The following CSMD3 variants were observed in gnomAD, a reference collection of about 807,000 sequenced individuals.
CSMD3 encodes the protein CUB and Sushi multiple domains 3, also known as CUB and sushi domain-containing protein 3.
A neutral mutation model predicts 435.2 loss-of-function variants in CSMD3; 177 were observed. That is an observed-to-expected ratio of 0.41 (90% CI 0.36 to 0.46). CSMD3 has a LOEUF of 0.46. Among genes scored for constraint, CSMD3 ranks in the 20% least tolerant of loss-of-function variants. The pLI is 0.34. For missense variants in CSMD3, 4,265 were observed against 4,504.6 expected, an observed-to-expected ratio of 0.95 and a Z score of 1.52; for synonymous variants, 1,656 against 1,520.5, an observed-to-expected ratio of 1.09 and a Z score of -2.07.
intron 41 of CSMD3, among the ~76,000 whole-genome samples, chr8:112,345,549 A>C (rs548774980): frequency 6.6e-6 from 1 of 152,272 alleles, no homozygotes; most frequent in Non-Finnish European, 1.5e-5. Context: ...ACTCAGGAGT[A>C]GAAAGTAGAA....
intron 22 of CSMD3, among the ~76,000 whole-genome samples, chr8:112,593,899 C>T (rs4492408): frequency 0.6 from 91,042 of 151,806 alleles, 28,335 homozygotes; most frequent in African/African-American, 0.77. Flanking sequence ...AAGGAAGGGT[C>T]TTTTTGTTTT....
chr8:112,309,718 A>G (rs1465949925), intron 50 of CSMD3, among the ~76,000 whole-genome samples: 3 of 152,140 alleles, frequency 2.0e-5, no homozygotes, highest in African/African-American at 7.2e-5. Context: ...CAATACAACA[A>G]GAAACAATAA....
At chr8:113,136,415 C>T (rs979801902) in intron 4 of CSMD3, among the ~76,000 whole-genome samples, 10 of 151,380 alleles carry the variant, frequency 6.6e-5, no homozygotes, top group African/African-American at 2.4e-4. Flanking sequence ...CTATACAGAA[C>T]TGTGAGTAAT....
At chr8:113,290,962 A>T (rs2132529351) in intron 2 of CSMD3, among the ~76,000 whole-genome samples, 1 of 151,514 alleles carries the variant, frequency 6.6e-6, no homozygotes, top group Non-Finnish European at 1.5e-5. Context: ...TTTATATAAT[A>T]AATATAAAAT....
intron 27 of CSMD3, among the ~76,000 whole-genome samples, chr8:112,523,296 T>C (rs1415188566): frequency 6.6e-6 from 1 of 151,994 alleles, no homozygotes; most frequent in East Asian, 1.9e-4. Flanking sequence ...TAGGAATATT[T>C]CATCTGCTTT....
At chr8:112,876,603 G>T (rs1039539447) in intron 10 of CSMD3, among the ~76,000 whole-genome samples, 1 of 152,124 alleles carries the variant, frequency 6.6e-6, no homozygotes, top group Non-Finnish European at 1.5e-5. Flanking sequence ...CTCAATAGAT[G>T]CATAAAAGGC....
chr8:113,405,995 G>C (rs2094531128), intron 1 of CSMD3, among the ~76,000 whole-genome samples: 1 of 151,776 alleles, frequency 6.6e-6, no homozygotes, highest in South Asian at 2.1e-4. Context: ...TTGCAGACAT[G>C]ATCTTGCAAT....
intron 6 of CSMD3, among the ~76,000 whole-genome samples, chr8:113,011,793 A>G (rs184956505): frequency 6.6e-6 from 1 of 151,844 alleles, no homozygotes; most frequent in Non-Finnish European, 1.5e-5. Context: ...GCTATCAGAA[A>G]ATTTTTAATA....
chr8:112,977,448 G>A (rs969291695), intron 6 of CSMD3, among the ~76,000 whole-genome samples: 5 of 152,030 alleles, frequency 3.3e-5, no homozygotes, highest in African/African-American at 1.2e-4. Flanking sequence ...ATGTCAATAT[G>A]GTTTGAGAAT....
chr8:112,766,112 A>C (rs1009309701), intron 13 of CSMD3, among the ~76,000 whole-genome samples: 13 of 151,494 alleles, frequency 8.6e-5, no homozygotes, highest in Non-Finnish European at 1.8e-4. Flanking sequence ...ACTTCTCTCT[A>C]CTCTCCACAG....
chr8:112,976,045 A>G lies in CSMD3; in HGVS notation c.1134T>C (p.Thr378=), dbSNP rs2084835505. The change falls in exon 7 of 71, where the codon ACT becomes ACC. Residue 378 remains threonine, a synonymous_variant. Transcript: ENST00000297405. ...IAVASTPADV[T]VSSVTAVTIH... Reference sequence around the variant, plus strand: ...TGGTGACAGCTGTAACACTGGATACAGTAACATCTGCAGGTGTGCTAGCAA... The same window carrying G: ...TGGTGACAGCTGTAACACTGGATACGGTAACATCTGCAGGTGTGCTAGCAA... 1 of 1,613,950 alleles carries G rather than the reference A, an allele frequency of 6.2e-7. No individual in the cohort carries two copies. The highest frequency in any genetic ancestry group is 1.7e-5 in the Admixed American group (1 of 59,976).
chr8:112,231,216 G>A (rs903824606), intron 69 of CSMD3, among the ~76,000 whole-genome samples: 2 of 152,184 alleles, frequency 1.3e-5, no homozygotes, highest in Non-Finnish European at 2.9e-5. Flanking sequence ...CAGTTCTCAT[G>A]AGATACAATA....
chr8:112,494,643 A>G (rs1821155981), intron 30 of CSMD3, among the ~76,000 whole-genome samples: 5 of 151,710 alleles, frequency 3.3e-5, no homozygotes, highest in Admixed American at 3.3e-4. Flanking sequence ...AGCAGTGGAC[A>G]ATCAGAAAAT....
At chr8:112,512,994 C>A (rs564515717) in intron 28 of CSMD3, among the ~76,000 whole-genome samples, 6 of 152,090 alleles carry the variant, frequency 3.9e-5, no homozygotes, top group Non-Finnish European at 8.8e-5. Context: ...GCTTTTTCAC[C>A]CATCTATGTC....
At chr8:112,227,802 G>C (rs941669397) in intron 70 of CSMD3, among the ~76,000 whole-genome samples, 1 of 152,070 alleles carries the variant, frequency 6.6e-6, no homozygotes, top group Non-Finnish European at 1.5e-5. Context: ...CAGCACTTTG[G>C]GACGCCGAGG....
chr8:112,255,380 C>T lies in CSMD3; in HGVS notation c.9910G>A (p.Gly3304Ser), dbSNP rs2130279035. ...TCTGACTGGTATATAAAGCTTTTGC[C>T]TTCTCTTTTTCCTTGGGCAGGTATA... ...PGIPAQGKRE[G>S]KSFIYQSEVS... is the part of the protein sequence containing the mutation. The change falls in exon 62 of 71, where the codon GGC becomes AGC. Residue 3304 changes from glycine to serine, a missense_variant. Around this residue, in one of 3 missense-constraint regions of CSMD3, gnomAD observed 3,255 missense variants for 3,380.2 expected, o/e 0.96. Transcript: ENST00000297405. The T allele has an allele frequency of 6.2e-7, 1 of 1,613,672 alleles. No homozygotes were observed. Among genetic ancestry groups the T allele is most frequent in the Non-Finnish European group, 8.5e-7 (1 of 1,179,764 alleles).
chr8:113,150,357 G>C (rs1408096793), intron 4 of CSMD3, among the ~76,000 whole-genome samples: 1 of 151,954 alleles, frequency 6.6e-6, no homozygotes, highest in African/African-American at 2.4e-5. Flanking sequence ...TGCAGCAGCA[G>C]ATCCTCTACT....
intron 32 of CSMD3, among the ~76,000 whole-genome samples, chr8:112,446,307 A>G (rs1815601833): frequency 6.6e-6 from 1 of 152,244 alleles, no homozygotes; most frequent in Non-Finnish European, 1.5e-5. Flanking sequence ...ATATTGTTAA[A>G]TATGGCACTA....
chr8:113,098,613 T>G, intron 5 of CSMD3, 143 bp downstream of exon 5: 1 of 638,760 alleles, frequency 1.6e-6, no homozygotes. Flanking sequence ...AAAATATCCT[T>G]CAGCTCTGAC....
Sources: allele counts gnomAD v4.1 joint callset (sites outside exome capture counted in the v4.1 genomes callset), GRCh38; gene constraint gnomAD v4.1.1; regional missense constraint gnomAD v4.1.1; transcripts MANE v1.5; gene names NCBI Gene and HGNC (gene_info 2026-07-23, HGNC 2026-07-21).